The following MARCHF1 variants were observed in gnomAD, a reference collection of about 807,000 sequenced individuals.
MARCHF1 encodes the protein E3 ubiquitin-protein ligase MARCHF1.
A neutral mutation model predicts 54.2 loss-of-function variants in MARCHF1; 40 were observed. The observed-to-expected ratio is 0.74, with a 90% CI of 0.57 to 0.96. The LOEUF (loss-of-function observed/expected upper bound fraction) is 0.96, where lower values mean the gene tolerates loss of function less well. Among genes scored for constraint, MARCHF1 ranks in the 40% least tolerant of loss-of-function variants. The probability of loss-of-function intolerance (pLI) is 0.00; values close to 1 mark genes in which losing one functional copy is unlikely to be tolerated. For synonymous variants in MARCHF1, 236 were observed against 236.3 expected (o/e 1.00, Z 0.01); for missense variants, 586 against 656.5 (o/e 0.89, Z 1.17).
chr4:163,533,617 CTT>C (rs533744480), intron 9 of MARCHF1, among the ~76,000 whole-genome samples: 2,438 of 151,008 alleles, frequency 0.016, 63 homozygotes, highest in African/African-American at 0.055. Context: ...GGAACTCTCT[CTT>C]TACCTTCTTT....
chr4:163,819,654 T>A (rs1236311574), intron 4 of MARCHF1, among the ~76,000 whole-genome samples: 1 of 152,142 alleles, frequency 6.6e-6, no homozygotes, highest in East Asian at 1.9e-4. Flanking sequence ...CAGCAGATGA[T>A]CTTACCTCTT....
At chr4:164,354,177 C>G (rs1730441019) in intron 1 of MARCHF1, among the ~76,000 whole-genome samples, 1 of 106,236 alleles carries the variant, frequency 9.4e-6, no homozygotes, top group Admixed American at 9.7e-5. Context: ...CGAATTCTAC[C>G]AGAGGTACAA....
At chr4:164,015,673 A>G (rs1753524011) in intron 2 of MARCHF1, among the ~76,000 whole-genome samples, 1 of 152,190 alleles carries the variant, frequency 6.6e-6, no homozygotes, top group Admixed American at 6.6e-5. Context: ...ATATTTCTGC[A>G]AAGAAGACAC....
chr4:163,929,984 ATATATATAATATAT>A (rs1560823874), intron 3 of MARCHF1, among the ~76,000 whole-genome samples: 2 of 127,446 alleles, frequency 1.6e-5, no homozygotes, highest in East Asian at 6.3e-4. Flanking sequence ...TATATATAAT[ATATATATAATATAT>A]TATATATAAA....
chr4:163,745,844 A>G (rs531177608), intron 4 of MARCHF1, among the ~76,000 whole-genome samples: 4 of 152,276 alleles, frequency 2.6e-5, no homozygotes, highest in African/African-American at 9.6e-5. Flanking sequence ...TAGTTTAAAA[A>G]AAAAAAGAGA....
At position 163,580,910 on chromosome 4, in the gene MARCHF1, C is replaced by T. The variant is rs1174166815; in HGVS notation, c.1191+4839G>A. ...CTCCGCTTCCCGGGTTCACGCCATT[C>T]TCCTGCCTCAGCCTCCCGAGTAGCT... On this transcript the variant is annotated intron_variant, in intron 8 of 9. Coordinates refer to ENST00000514618, the MANE Select transcript of MARCHF1 (RefSeq NM_001394959.1). 3.2e-5 allele frequency among the ~76,000 whole-genome samples: 2 copies of T among 63,304 alleles called. 1 individual carries two copies. The highest frequency in any genetic ancestry group is 6.6e-5 in the Non-Finnish European group (2 of 30,212). 41.5% of individuals were successfully genotyped at this position (63,304 alleles called of 152,430 possible). A position where few individuals can be genotyped will look rare whatever the true frequency, so the allele number is the denominator to read the frequency against.
chr4:164,101,183 G>C (rs1018283800), intron 2 of MARCHF1, among the ~76,000 whole-genome samples: 3 of 152,230 alleles, frequency 2.0e-5, no homozygotes, highest in Admixed American at 1.3e-4. Flanking sequence ...GCGAGGCCGG[G>C]GGAGGGGCAC....
intron 8 of MARCHF1, among the ~76,000 whole-genome samples, chr4:163,565,155 A>G (rs1266824448): frequency 6.6e-6 from 1 of 152,234 alleles, no homozygotes; most frequent in Non-Finnish European, 1.5e-5. Flanking sequence ...TTCAAAAAAT[A>G]TAACTGCCTG....
chr4:164,049,777 T>C (rs753838611), intron 2 of MARCHF1, among the ~76,000 whole-genome samples: 10 of 152,212 alleles, frequency 6.6e-5, no homozygotes, highest in Non-Finnish European at 1.2e-4. Context: ...ACACACACAT[T>C]TGAGAAACCT....
At chr4:164,077,074 C>T (rs982470535) in intron 2 of MARCHF1, among the ~76,000 whole-genome samples, 1 of 152,126 alleles carries the variant, frequency 6.6e-6, no homozygotes, top group African/African-American at 2.4e-5. Flanking sequence ...ATAGCCCAGA[C>T]AATCCTAAGG....
At chr4:164,360,389 T>A (rs938527979) in intron 1 of MARCHF1, among the ~76,000 whole-genome samples, 6 of 152,146 alleles carry the variant, frequency 3.9e-5, no homozygotes, top group African/African-American at 1.4e-4. Flanking sequence ...ATTTGTAGAT[T>A]CTTATGTCTC....
At chr4:164,046,763 A>C (rs1237901678) in intron 2 of MARCHF1, among the ~76,000 whole-genome samples, 1 of 152,194 alleles carries the variant, frequency 6.6e-6, no homozygotes, top group Non-Finnish European at 1.5e-5. Context: ...TTAGTGAAAG[A>C]AACTGTAGAA....
At chr4:164,127,859 A>C (rs1756218370) in intron 1 of MARCHF1, among the ~76,000 whole-genome samples, 1 of 152,192 alleles carries the variant, frequency 6.6e-6, no homozygotes, top group South Asian at 2.1e-4. Flanking sequence ...GGTTGATACT[A>C]AAGTACAAGT....
intron 1 of MARCHF1, among the ~76,000 whole-genome samples, chr4:164,224,242 GTT>G (rs11309501): frequency 1.2e-3 from 183 of 147,768 alleles, no homozygotes; most frequent in African/African-American, 4.1e-3. Flanking sequence ...AATATTATGA[GTT>G]TTTTTTTTTG....
chr4:164,015,862 C>A (rs1170895747), intron 2 of MARCHF1, among the ~76,000 whole-genome samples: 3 of 148,562 alleles, frequency 2.0e-5, no homozygotes, highest in Non-Finnish European at 3.0e-5. Context: ...TGTAAGTTAC[C>A]AACATACAGC....
chr4:163,769,595 C>G (rs1250335499), intron 4 of MARCHF1, among the ~76,000 whole-genome samples: 2 of 152,132 alleles, frequency 1.3e-5, no homozygotes, highest in East Asian at 3.8e-4. Flanking sequence ...ATATTGCCAC[C>G]TTGAATAAAA....
At chr4:163,642,934 G>C (rs1486011931) in intron 5 of MARCHF1, among the ~76,000 whole-genome samples, 3 of 151,510 alleles carry the variant, frequency 2.0e-5, no homozygotes, top group Admixed American at 6.6e-5. Context: ...CTGAAATATG[G>C]TATTATCTCC....
At chr4:163,828,559 A>G (rs1166736193) in intron 4 of MARCHF1, among the ~76,000 whole-genome samples, 2 of 152,216 alleles carry the variant, frequency 1.3e-5, no homozygotes, top group Non-Finnish European at 1.5e-5. Context: ...AAAGTAAGTC[A>G]TACTGATACC....
chr4:163,755,081 G>T (rs1262958747), intron 4 of MARCHF1, among the ~76,000 whole-genome samples: 1 of 152,160 alleles, frequency 6.6e-6, no homozygotes, highest in East Asian at 1.9e-4. Flanking sequence ...GGGTGTGGTG[G>T]TGGTGCCACC....
Sources: gnomAD v4.1 joint callset for allele counts (sites outside exome capture counted in the v4.1 genomes callset) on GRCh38, gnomAD v4.1.1 for gene constraint, MANE v1.5 for transcripts, NCBI Gene and HGNC (gene_info 2026-07-23, HGNC 2026-07-21) for gene names.